The following SDCBP variants were observed in gnomAD, a reference collection of about 807,000 sequenced individuals.
SDCBP encodes syndecan binding protein, also known as syntenin-1.
In SDCBP, 22 loss-of-function variants were observed where a neutral mutation model predicts 30.5. The ratio of observed to expected loss-of-function variants is 0.72; its 90% confidence interval spans 0.52 to 1.03. The LOEUF (loss-of-function observed/expected upper bound fraction) is 1.03, where lower values mean the gene tolerates loss of function less well. SDCBP is among the 50% of genes least tolerant of loss of function. The probability of loss-of-function intolerance (pLI) is 0.00; values close to 1 mark genes in which losing one functional copy is unlikely to be tolerated. For missense variants in SDCBP, 304 were observed against 369.9 expected (o/e 0.82, Z 1.46); for synonymous variants, 103 against 118.7 (o/e 0.87, Z 0.86).
intron 4 of SDCBP, among the ~76,000 whole-genome samples, chr8:58,575,642 G>A (rs1006026222): frequency 2.6e-5 from 4 of 152,132 alleles, no homozygotes; most frequent in East Asian, 1.9e-4. Flanking sequence ...CCAGTATACC[G>A]GTGAAACAAA....
intron 1 of SDCBP, among the ~76,000 whole-genome samples, chr8:58,557,821 C>T (rs116778757): frequency 3.0e-4 from 46 of 152,254 alleles, no homozygotes; most frequent in African/African-American, 1.1e-3. Context: ...TTAGTGATTA[C>T]TCAGCTCGAA....
chr8:58,565,218 T>C (rs1804641261), intron 2 of SDCBP, 134 bp downstream of exon 2: 1 of 425,754 alleles, frequency 2.3e-6, no homozygotes, highest in Admixed American at 4.5e-5. Context: ...TTTTTAGTTT[T>C]ATTAATTGCA....
chr8:58,561,533 T>C, intron 1 of SDCBP: 1 of 385,380 alleles, frequency 2.6e-6, no homozygotes, highest in Non-Finnish European at 4.7e-6. Flanking sequence ...GCAGAAACCT[T>C]GCAGGTCAGA....
chr8:58,573,739 C>T (rs771793332), intron 4 of SDCBP, among the ~76,000 whole-genome samples: 9 of 152,246 alleles, frequency 5.9e-5, no homozygotes, highest in South Asian at 2.1e-4. Context: ...CACTGACAAA[C>T]GAAATTATAA....
chr8:58,557,153 T>TATATA (rs367905499), intron 1 of SDCBP, among the ~76,000 whole-genome samples: 47,625 of 122,852 alleles, frequency 0.39, 10,037 homozygotes, highest in African/African-American at 0.56. Flanking sequence ...AATATTATAA[T>TATATA]ATATAATTAT....
At chr8:58,579,927 T>A in intron 7 of SDCBP, 133 bp downstream of exon 7, 6 of 737,702 alleles carry the variant, frequency 8.1e-6, no homozygotes, top group Non-Finnish European at 1.3e-5. Flanking sequence ...ACTCTTGGTC[T>A]GGCCAGTCAC....
At chr8:58,558,702 T>C (rs1317357115) in intron 1 of SDCBP, among the ~76,000 whole-genome samples, 1 of 151,846 alleles carries the variant, frequency 6.6e-6, no homozygotes, top group African/African-American at 2.4e-5. Context: ...TTGAGAGGAG[T>C]TGGGAGGAGC....
At chr8:58,562,914 T>C (rs763191495) in intron 1 of SDCBP, among the ~76,000 whole-genome samples, 3 of 152,116 alleles carry the variant, frequency 2.0e-5, no homozygotes, top group Non-Finnish European at 4.4e-5. Flanking sequence ...AGAAAAGTAT[T>C]TGTAAATCAT....
Position 58,581,812 on chromosome 8 carries a change from G to A in SDCBP, c.*72G>A, listed in dbSNP as rs1362665865. On this transcript the variant is annotated 3_prime_UTR_variant, in exon 9 of 9. Coordinates refer to ENST00000260130, the MANE Select transcript of SDCBP (RefSeq NM_005625.4). ...CTTTGGCAACTTCTGTATTATGCAC[G>A]TGAAGCCTTCCCGGAGCCAGCGAGC... 450 of 1,275,202 alleles carry A rather than the reference G, an allele frequency of 3.5e-4. 2 individuals carry two copies. Among genetic ancestry groups the A allele is most frequent in the Admixed American group, 3.4e-5 (2 of 58,954 alleles). 79.0% of individuals were successfully genotyped at this position (1,275,202 alleles called of 1,614,324 possible).
intron 5 of SDCBP, 143 bp downstream of exon 5, chr8:58,576,204 G>A: frequency 1.5e-6 from 1 of 662,688 alleles, no homozygotes; most frequent in Admixed American, 3.1e-5. Context: ...TAACTTAAAT[G>A]TTTTCAATTG....
chr8:58,561,686 A>T, intron 1 of SDCBP: 1 of 630,334 alleles, frequency 1.6e-6, no homozygotes, highest in South Asian at 1.8e-5. Flanking sequence ...TCTGACTTAA[A>T]CGCCAATGGG....
Position 58,565,063 on chromosome 8 carries a change from GA to G in SDCBP, c.32del (p.Lys11ArgfsTer2). On this transcript the variant is annotated frameshift_variant, in exon 2 of 9. Transcript: ENST00000260130. LOFTEE classifies it high-confidence loss of function. MSLYPSLEDL[K>X]VDKVIQAQTA... ...CTCTCTATCCATCTCTCGAAGACTTGAAGGTAGACAAAGTAATTCAGGTATG... is the reference window on the plus strand; with the variant it reads ...CTCTCTATCCATCTCTCGAAGACTTGAGGTAGACAAAGTAATTCAGGTATG... 6.3e-7 allele frequency: 1 copy of G among 1,587,510 alleles called. No homozygotes were observed. Among genetic ancestry groups the G allele is most frequent in the Admixed American group, 1.7e-5 (1 of 57,158 alleles).
intron 8 of SDCBP, among the ~76,000 whole-genome samples, chr8:58,580,998 GT>G (rs1385255596): frequency 6.6e-6 from 1 of 152,184 alleles, no homozygotes; most frequent in Non-Finnish European, 1.5e-5. Context: ...CTAAGAGTAA[GT>G]TTCCCTTCTC....
chr8:58,553,488 G>C (rs968463368), intron 1 of SDCBP, among the ~76,000 whole-genome samples, 185 bp downstream of exon 1: 19 of 151,908 alleles, frequency 1.3e-4, no homozygotes, highest in Non-Finnish European at 1.5e-4. Flanking sequence ...CCTGCTGGCT[G>C]GGGGGGCAAG....
At chr8:58,573,484 G>C (rs553794410) in intron 4 of SDCBP, among the ~76,000 whole-genome samples, 1 of 152,284 alleles carries the variant, frequency 6.6e-6, no homozygotes, top group South Asian at 2.1e-4. Flanking sequence ...GATAACACAG[G>C]AGAGAGATTG....
chr8:58,556,832 T>TA (rs972821245), intron 1 of SDCBP, among the ~76,000 whole-genome samples: 1 of 144,318 alleles, frequency 6.9e-6, no homozygotes. Context: ...TATAAATACA[T>TA]ATATATATAA....
chr8:58,557,354 AG>A (rs1804192167), intron 1 of SDCBP, among the ~76,000 whole-genome samples: 1 of 137,692 alleles, frequency 7.3e-6, no homozygotes, highest in African/African-American at 2.7e-5. Flanking sequence ...TAAAATATAT[AG>A]ATATATAAAA....
intron 4 of SDCBP, among the ~76,000 whole-genome samples, chr8:58,574,192 T>C (rs566621063): frequency 1.9e-4 from 29 of 152,334 alleles, no homozygotes; most frequent in South Asian, 6.2e-4. Context: ...TGGGCAGTCA[T>C]CATGGTATTG....
chr8:58,568,309 C>T (rs1359259927), intron 2 of SDCBP, among the ~76,000 whole-genome samples: 1 of 152,096 alleles, frequency 6.6e-6, no homozygotes, highest in African/African-American at 2.4e-5. Flanking sequence ...CCTAGGCCTG[C>T]ACAGGGTCAG....
Sources: allele counts gnomAD v4.1 joint callset (sites outside exome capture counted in the v4.1 genomes callset), GRCh38; gene constraint gnomAD v4.1.1; transcripts MANE v1.5; gene names NCBI Gene and HGNC (gene_info 2026-07-23, HGNC 2026-07-21).